PDK1: variants seen among roughly 807,000 people sequenced by gnomAD.
PDK1 encodes the protein pyruvate dehydrogenase kinase 1.
A neutral mutation model predicts 54.2 loss-of-function variants in PDK1; 39 were observed. The ratio of observed to expected loss-of-function variants is 0.72; its 90% CI spans 0.56 to 0.94. The LOEUF (loss-of-function observed/expected upper bound fraction) is 0.94. Ranked by LOEUF, PDK1 falls within the 40% of genes least tolerant of loss-of-function variation. PDK1 has a pLI of 0.00. For synonymous variants in PDK1, 221 were observed against 207.1 expected (o/e 1.07, Z -0.58); for missense variants, 552 against 566.0 (o/e 0.98, Z 0.25).
intron 9 of PDK1, among the ~76,000 whole-genome samples, chr2:172,590,467 G>C (rs1690503932): frequency 6.6e-6 from 1 of 152,110 alleles, no homozygotes; most frequent in Non-Finnish European, 1.5e-5. Context: ...GACCTCAGGA[G>C]TGAAGCCACA....
chr2:172,686,006 A>G, the PDK1 span, among the ~76,000 whole-genome samples: 2 of 152,246 alleles, frequency 1.3e-5, no homozygotes, highest in Non-Finnish European at 2.9e-5. Context: ...TTTCTACAAA[A>G]TTCCAGGAGC....
the PDK1 span, among the ~76,000 whole-genome samples, chr2:172,659,374 A>C: frequency 6.6e-6 from 1 of 152,108 alleles, no homozygotes; most frequent in Admixed American, 6.5e-5. Context: ...CATATTCATA[A>C]TTTACTACTC....
the PDK1 span, among the ~76,000 whole-genome samples, chr2:172,641,779 A>G: frequency 1.3e-5 from 2 of 152,126 alleles, no homozygotes; most frequent in African/African-American, 4.8e-5. Context: ...TTTATACAAA[A>G]AGGCGGAGGA....
At chr2:172,611,224 A>G (rs1691452428), downstream of PDK1, among the ~76,000 whole-genome samples, 1 of 152,216 alleles carries the variant, frequency 6.6e-6, no homozygotes. Flanking sequence ...CAACTTCTCA[A>G]ATTACTAGTA....
chr2:172,616,835 G>A, the PDK1 span, among the ~76,000 whole-genome samples: 1 of 152,072 alleles, frequency 6.6e-6, no homozygotes, highest in Admixed American at 6.5e-5. Context: ...TTTCTTTCAG[G>A]GTAGTGTCTT....
rs1324438736 is a variant in PDK1 at position 172,608,232 on chromosome 2, A to G, written c.*12263A>G. 6.6e-6 allele frequency: 1 copy of G among 152,436 alleles called. No individual in the cohort carries two copies. The highest frequency in any genetic ancestry group is 1.5e-5 in the Non-Finnish European group (1 of 68,032). The allele number at this position is 152,436 out of a possible 1,614,324, so 9.4% of individuals were successfully genotyped here. On this transcript the variant is annotated 3_prime_UTR_variant, in exon 11 of 11. Transcript: ENST00000282077. ...ACTAAAGTCTATTTAGGAAATGGAA[A>G]TATATAGCAAGAGGAGTCAGCTACT...
At chr2:172,616,949 A>G in the PDK1 span, among the ~76,000 whole-genome samples, 1 of 151,928 alleles carries the variant, frequency 6.6e-6, no homozygotes, top group African/African-American at 2.4e-5. Context: ...ATGATTGGTT[A>G]TTTTATTTTA....
intron 2 of PDK1, among the ~76,000 whole-genome samples, chr2:172,559,463 G>A (rs753330435): frequency 2.0e-5 from 3 of 152,190 alleles, no homozygotes; most frequent in Admixed American, 2.0e-4. Context: ...TGATGACTGG[G>A]TATTTATGTA....
At chr2:172,664,444 T>C in the PDK1 span, among the ~76,000 whole-genome samples, 1 of 152,216 alleles carries the variant, frequency 6.6e-6, no homozygotes, top group South Asian at 2.1e-4. Flanking sequence ...GTTTCATTCA[T>C]TCATTTTTTC....
intron 2 of PDK1, 53 bp from the exon 3 acceptor site, chr2:172,562,167 T>C (rs1428188640): frequency 6.3e-6 from 6 of 950,248 alleles, no homozygotes; most frequent in Admixed American, 4.2e-5. Flanking sequence ...TTTCATGATA[T>C]TGAACTTTCA....
chr2:172,665,870 C>T, the PDK1 span, among the ~76,000 whole-genome samples: 1 of 152,212 alleles, frequency 6.6e-6, no homozygotes, highest in South Asian at 2.1e-4. Flanking sequence ...AGCCCTTTGC[C>T]CTATTCCTTC....
chr2:172,668,504 C>G, the PDK1 span, among the ~76,000 whole-genome samples: 1 of 151,548 alleles, frequency 6.6e-6, no homozygotes, highest in African/African-American at 2.4e-5. Flanking sequence ...GTGGCCTACT[C>G]TTGCTGCTTA....
At chr2:172,688,567 C>T in the PDK1 span, among the ~76,000 whole-genome samples, 3 of 151,966 alleles carry the variant, frequency 2.0e-5, no homozygotes, top group Admixed American at 6.6e-5. Flanking sequence ...CAGACCCCAA[C>T]GTGGGATTTG....
intron 2 of PDK1, among the ~76,000 whole-genome samples, chr2:172,559,081 T>G (rs1688516441): frequency 6.6e-6 from 1 of 152,176 alleles, no homozygotes; most frequent in East Asian, 1.9e-4. Context: ...CCCGAGTAAC[T>G]GGGATTACAG....
At chr2:172,654,504 G>A in the PDK1 span, among the ~76,000 whole-genome samples, 4 of 151,466 alleles carry the variant, frequency 2.6e-5, no homozygotes, top group East Asian at 1.9e-4. Context: ...GCAAACTATC[G>A]CAAGGACAGA....
intron 8 of PDK1, among the ~76,000 whole-genome samples, chr2:172,583,636 G>A (rs1054874206): frequency 6.6e-6 from 1 of 151,904 alleles, no homozygotes; most frequent in African/African-American, 2.4e-5. Context: ...TATTGATAGT[G>A]TAATTACTTA....
the PDK1 span, among the ~76,000 whole-genome samples, chr2:172,635,481 A>G: frequency 4.6e-5 from 7 of 152,022 alleles, no homozygotes; most frequent in Non-Finnish European, 7.4e-5. Flanking sequence ...ACACCTGGCT[A>G]ATTTTTGTAT....
At chr2:172,572,463 G>T (rs907148618) in intron 8 of PDK1, among the ~76,000 whole-genome samples, 1 of 152,146 alleles carries the variant, frequency 6.6e-6, no homozygotes, top group African/African-American at 2.4e-5. Context: ...AGCAGCTCAT[G>T]CCTGTAATCC....
the PDK1 span, among the ~76,000 whole-genome samples, chr2:172,698,100 C>A: frequency 1.3e-5 from 2 of 152,180 alleles, no homozygotes; most frequent in African/African-American, 4.8e-5. Context: ...AGATAAAAGT[C>A]ATCAGCATCA....
Sources: gnomAD v4.1 joint callset for allele counts (sites outside exome capture counted in the v4.1 genomes callset) on GRCh38, gnomAD v4.1.1 for gene constraint, MANE v1.5 for transcripts, NCBI Gene and HGNC (gene_info 2026-07-23, HGNC 2026-07-21) for gene names.